The following MIDEAS variants were observed in gnomAD, a reference collection of about 807,000 sequenced individuals.
MIDEAS encodes the protein mitotic deacetylase-associated SANT domain protein.
In MIDEAS, 26 loss-of-function variants were observed where a neutral mutation model predicts 102.7. The observed-to-expected ratio is 0.25, with a 90% CI of 0.19 to 0.35. The LOEUF (loss-of-function observed/expected upper bound fraction) is 0.35. Among genes scored for constraint, MIDEAS ranks in the 10% least tolerant of loss-of-function variants. The pLI is 1.00. For missense variants in MIDEAS, 1,231 were observed against 1,435.6 expected (o/e 0.86, Z 2.30); for synonymous variants, 585 against 591.0 (o/e 0.99, Z 0.15).
In MIDEAS at chr14:73,742,910, C is replaced by T. The variant is rs375880338; in HGVS notation, c.-247-2655G>A. Among the ~76,000 whole-genome samples, 53 of 152,220 alleles carry T rather than the reference C, an allele frequency of 3.5e-4. 2 individuals carry two copies. The South Asian group carries it at 0.01, about 30-fold the overall frequency. ...GAGTAATGATGATGGTGATGGTGCA[C>T]CCGTGCCAGGCAGATCCTACGTGCT... On this transcript the variant is annotated intron_variant, in intron 1 of 12. Transcript: ENST00000423556. This position sits in a 1 kb window ranked among gnomAD's most constrained non-coding sequence, Gnocchi z 4.4.
intron 1 of MIDEAS, among the ~76,000 whole-genome samples, chr14:73,747,402 G>A (rs1223037353): frequency 2.0e-5 from 3 of 152,164 alleles, no homozygotes; most frequent in Non-Finnish European, 4.4e-5. Context: ...TAAAAAGCAA[G>A]TGCCACCAGG....
At chr14:73,757,582 AC>A in intron 1 of MIDEAS, among the ~76,000 whole-genome samples, 1 of 151,962 alleles carries the variant, frequency 6.6e-6, no homozygotes, top group Non-Finnish European at 1.5e-5. Context: ...TAAGCTGGAA[AC>A]CCCCAGCCAC....
In MIDEAS at chr14:73,722,748, C is replaced by T; in HGVS notation, c.2674G>A (p.Asp892Asn). ...RNGTLTFGDVDTSDEKSAQEE... is the reference protein window; with the variant it reads ...RNGTLTFGDVNTSDEKSAQEE... ...TGGGCCGACTTCTCATCGCTCGTAT[C>T]CACATCCCCAAAGGTTAGAGTCCCA... The change falls in exon 10 of 13, where the codon GAT becomes AAT. Residue 892 changes from aspartate (D) to asparagine (N), a missense_variant. Asp to Asn is a conservative substitution (Grantham distance 23). Around this residue, in one of 5 missense-constraint regions of MIDEAS, gnomAD observed 391 missense variants for 483.0 expected, o/e 0.81. Transcript: ENST00000423556. 6.2e-7 allele frequency: 1 copy of T among 1,614,200 alleles called. No individual in the cohort carries two copies.
intron 1 of MIDEAS, among the ~76,000 whole-genome samples, chr14:73,752,620 G>A (rs773627660): frequency 6.6e-6 from 1 of 152,098 alleles, no homozygotes; most frequent in Non-Finnish European, 1.5e-5. Context: ...GTGGCTGCCT[G>A]GGGCCTCCTA....
chr14:73,719,067 G>A (rs2052941809), intron 12 of MIDEAS, 59 bp from the exon 13 acceptor site: 5 of 1,446,674 alleles, frequency 3.5e-6, no homozygotes, highest in Non-Finnish European at 4.5e-6. Context: ...CCCCCAGCGC[G>A]GGTGCGCGAG....
chr14:73,723,079 A>C, intron 9 of MIDEAS: 2 of 410,978 alleles, frequency 4.9e-6, no homozygotes, highest in East Asian at 4.4e-5. Context: ...AAAAGCTATA[A>C]AGGACAATGT....
intron 1 of MIDEAS, among the ~76,000 whole-genome samples, chr14:73,777,896 T>G (rs942421717): frequency 1.3e-5 from 2 of 151,882 alleles, no homozygotes; most frequent in Admixed American, 6.6e-5. Context: ...TTGACTTTTG[T>G]AGATGTTTGT....
chr14:73,737,971 T>C (rs1387950745), intron 2 of MIDEAS, among the ~76,000 whole-genome samples: 1 of 151,864 alleles, frequency 6.6e-6, no homozygotes, highest in Non-Finnish European at 1.5e-5. Flanking sequence ...TTGGTAGAGA[T>C]AGGGTTTTGC....
intron 1 of MIDEAS, among the ~76,000 whole-genome samples, chr14:73,751,877 G>A (rs140030864): frequency 6.6e-6 from 1 of 152,138 alleles, no homozygotes; most frequent in African/African-American, 2.4e-5. Flanking sequence ...TCCAGCCTGG[G>A]CGACAAGAGC....
Position 73,725,974 on chromosome 14 carries a change from C to G in MIDEAS, c.2485+59G>C. 7.0e-7 allele frequency: 1 copy of G among 1,421,632 alleles called. No homozygotes were observed. Among genetic ancestry groups the G allele is most frequent in the Non-Finnish European group, 9.7e-7 (1 of 1,027,408 alleles). 88.1% of individuals were successfully genotyped at this position (1,421,632 alleles called of 1,614,324 possible). ...TGTGACTCAGCACTGAGCAGGGCCC[C>G]ATGGATGCTGGAGACCTCTTGAGGC... On this transcript the variant is annotated intron_variant, in intron 8 of 12. Coordinates refer to ENST00000423556, the MANE Select transcript of MIDEAS (RefSeq NM_001367710.1). The surrounding 1 kb of genome is among the most constrained non-coding windows in gnomAD (Gnocchi z 4.1).
Position 73,727,520 on chromosome 14 carries a change from A to C in MIDEAS, c.2100T>G (p.Ser700Arg). 6.2e-7 allele frequency: 1 copy of C among 1,611,004 alleles called. No homozygotes were observed. The highest frequency in any genetic ancestry group is 8.5e-7 in the Non-Finnish European group (1 of 1,178,622). Reference sequence around the variant, plus strand: ...AGAGGACAGGCGGGGTTACTTCAGCACTGTCTATGGGACAAAGAGCAGGTT... The same window carrying C: ...AGAGGACAGGCGGGGTTACTTCAGCCCTGTCTATGGGACAAAGAGCAGGTT... ...SAHRTLLRTNSAEVTPPVLSV... is the reference protein window; with the variant it reads ...SAHRTLLRTNRAEVTPPVLSV... The change falls in exon 5 of 13, where the codon AGT becomes AGG. Residue 700 changes from serine (S) to arginine (R), a missense_variant. This residue lies in a region of MIDEAS where 391 missense variants were observed against 483.0 expected (regional missense o/e 0.81). Coordinates refer to ENST00000423556, the MANE Select transcript of MIDEAS (RefSeq NM_001367710.1).
chr14:73,748,156 A>G (rs1323805171), intron 1 of MIDEAS, among the ~76,000 whole-genome samples: 1 of 152,230 alleles, frequency 6.6e-6, no homozygotes, highest in Non-Finnish European at 1.5e-5. Flanking sequence ...TAAAAAAGAC[A>G]TAAGACATAC....
At chr14:73,779,002 G>A (rs929666112) in intron 1 of MIDEAS, among the ~76,000 whole-genome samples, 5 of 151,952 alleles carry the variant, frequency 3.3e-5, no homozygotes, top group Non-Finnish European at 7.4e-5. Flanking sequence ...AAGCTTAGCA[G>A]AAGACAGAAG....
chr14:73,724,924 G>A, intron 9 of MIDEAS: 1 of 233,652 alleles, frequency 4.3e-6, no homozygotes, highest in Non-Finnish European at 8.7e-6. Flanking sequence ...ACCCCAGGGT[G>A]CCCTCCCCCT....
chr14:73,788,452 G>C (rs60329933), upstream of MIDEAS, among the ~76,000 whole-genome samples: 8,888 of 152,164 alleles, frequency 0.058, 646 homozygotes, highest in African/African-American at 0.17. Flanking sequence ...ATGACATTTG[G>C]GAAATGATCC....
chr14:73,759,649 C>G lies in MIDEAS; in HGVS notation c.-248+114G>C, dbSNP rs2053533863. 1 of 150,364 alleles carries G rather than the reference C, an allele frequency of 6.7e-6. No homozygotes were observed. 9.3% of individuals were successfully genotyped at this position (150,364 alleles called of 1,614,324 possible). A position where few individuals can be genotyped will look rare whatever the true frequency, so the allele number is the denominator to read the frequency against. ...CCCGCGGCCCCCTCTCCGGGCCGCG[C>G]CTGCAGAGCTGCAACCCGCCGTGCG... is the stretch of plus-strand genomic sequence containing the variant. On this transcript the variant is annotated intron_variant, in intron 1 of 12. Coordinates refer to ENST00000423556, the MANE Select transcript of MIDEAS (RefSeq NM_001367710.1). This position sits in a 1 kb window ranked among gnomAD's most constrained non-coding sequence, Gnocchi z 6.7.
chr14:73,730,978 A>G (rs2053130731), intron 3 of MIDEAS, among the ~76,000 whole-genome samples: 1 of 96,522 alleles, frequency 1.0e-5, no homozygotes, highest in Admixed American at 9.6e-5. Context: ...AAGGAAAAAG[A>G]AAAAAAAATG....
chr14:73,744,743 C>G (rs75025690), intron 1 of MIDEAS, among the ~76,000 whole-genome samples: 1 of 152,276 alleles, frequency 6.6e-6, no homozygotes, highest in African/African-American at 2.4e-5. Context: ...GTGTTCTTCT[C>G]GCTTTGCTTC....
chr14:73,774,275 G>T (rs2053670069), intron 1 of MIDEAS, among the ~76,000 whole-genome samples: 1 of 151,800 alleles, frequency 6.6e-6, no homozygotes, highest in African/African-American at 2.4e-5. Flanking sequence ...AACGGAGACT[G>T]CAATCCCTGC....
Sources: allele counts gnomAD v4.1 joint callset (sites outside exome capture counted in the v4.1 genomes callset), GRCh38; gene constraint gnomAD v4.1.1; regional missense constraint gnomAD v4.1.1; non-coding constraint Gnocchi (gnomAD v3.1); transcripts MANE v1.5; gene names NCBI Gene and HGNC (gene_info 2026-07-23, HGNC 2026-07-21).